The following ACTA2 variants were observed in gnomAD, a reference collection of about 807,000 sequenced individuals.
ACTA2 encodes the protein actin alpha 2, smooth muscle.
Under a neutral mutation model 39.5 loss-of-function variants are expected in ACTA2, and 12 were observed. The ratio of observed to expected loss-of-function variants is 0.30; its 90% CI spans 0.19 to 0.49. The LOEUF (loss-of-function observed/expected upper bound fraction) is 0.49, where lower values mean the gene tolerates loss of function less well. ACTA2 is among the 20% of genes least tolerant of loss of function. ACTA2 has a pLI of 0.99. For synonymous variants in ACTA2, 158 were observed against 180.6 expected, an observed-to-expected ratio of 0.88 and a Z score of 1.00; for missense variants, 236 against 498.8, an observed-to-expected ratio of 0.47 and a Z score of 5.02.
intron 3 of ACTA2, among the ~76,000 whole-genome samples, chr10:88,945,361 C>G (rs895153220): frequency 6.6e-6 from 1 of 152,204 alleles, no homozygotes; most frequent in Non-Finnish European, 1.5e-5. Flanking sequence ...TGGAGCATTA[C>G]TGCTGATAAA....
At chr10:88,969,878 T>C (rs1008589727) in intron 1 of ACTA2, among the ~76,000 whole-genome samples, 1 of 152,176 alleles carries the variant, frequency 6.6e-6, no homozygotes. Flanking sequence ...GCTCAGTAAA[T>C]ATCTCTTGCA....
At chr10:88,945,418 G>A (rs1013435229) in intron 3 of ACTA2, among the ~76,000 whole-genome samples, 3 of 152,086 alleles carry the variant, frequency 2.0e-5, no homozygotes, top group Non-Finnish European at 2.9e-5. Context: ...AATTGTGTGC[G>A]TAGTAGTAGT....
chr10:88,938,215 G>T lies in ACTA2; in HGVS notation c.836C>A (p.Thr279Asn). The T allele has an allele frequency of 6.2e-7, 1 of 1,613,972 alleles. No homozygotes were observed. Among genetic ancestry groups the T allele is most frequent in the Non-Finnish European group, 8.5e-7 (1 of 1,179,922 alleles). ...ACACTTCATGATGCTGTTGTAGGTG[G>T]TTTCATGGATGCCAGCAGACTCCAT... ...IGMESAGIHE[T>N]TYNSIMKCDI... The change falls in exon 8 of 9, where the codon ACC (threonine) becomes AAC (asparagine). Residue 279 changes from threonine (T) to asparagine (N), a missense_variant. By Grantham distance (65) the Thr-to-Asn change is moderately conservative. Coordinates refer to ENST00000224784, the MANE Select transcript of ACTA2 (RefSeq NM_001613.4).
intron 1 of ACTA2, among the ~76,000 whole-genome samples, chr10:88,961,737 T>C (rs754294186): frequency 1.3e-5 from 2 of 152,220 alleles, no homozygotes; most frequent in Non-Finnish European, 2.9e-5. Flanking sequence ...AATTCACCTC[T>C]CAGTTTTCTT....
At chr10:88,965,235 T>G (rs369950698) in intron 1 of ACTA2, among the ~76,000 whole-genome samples, 16 of 152,208 alleles carry the variant, frequency 1.1e-4, no homozygotes, top group African/African-American at 3.9e-4. Context: ...GTTGTAAACT[T>G]TTGGAGGCAG....
intron 1 of ACTA2, among the ~76,000 whole-genome samples, chr10:88,972,440 A>G (rs536451245): frequency 6.6e-6 from 1 of 152,334 alleles, no homozygotes; most frequent in Non-Finnish European, 1.5e-5. Flanking sequence ...TTAATATTTA[A>G]TGTAATATTT....
intron 1 of ACTA2, chr10:88,973,065 A>G: frequency 1.7e-6 from 2 of 1,165,420 alleles, no homozygotes; most frequent in Non-Finnish European, 2.3e-6. Context: ...TAACCTTGTA[A>G]GTACTTAGTC....
At chr10:88,947,429 T>C (rs1845972605) in intron 2 of ACTA2, 43 bp from the exon 3 acceptor site, 1 of 1,612,196 alleles carries the variant, frequency 6.2e-7, no homozygotes, top group Admixed American at 1.7e-5. Flanking sequence ...CTCCCAAAAC[T>C]TGTGAATCAA....
intron 1 of ACTA2, among the ~76,000 whole-genome samples, chr10:88,979,958 G>A (rs924987611): frequency 1.3e-5 from 2 of 152,198 alleles, no homozygotes; most frequent in African/African-American, 4.8e-5. Context: ...GAGCTTCCAA[G>A]CTATTTATGG....
intron 3 of ACTA2, 60 bp from the exon 4 acceptor site, chr10:88,943,967 T>A: frequency 6.7e-7 from 1 of 1,493,100 alleles, no homozygotes; most frequent in Non-Finnish European, 9.3e-7. Context: ...GTCCTGCATT[T>A]CCCAAAAAGG....
Position 88,966,624 on chromosome 10 carries a change from A to T in ACTA2, c.-23-17671T>A, listed in dbSNP as rs76671311. On this transcript the variant is annotated intron_variant, in intron 1 of 4. Transcript: ENST00000415557. ...AAGCATGACTTAGACAGAGTGCCTA[A>T]AATTCTGTCCCGGGAACCATGATCT... Among the ~76,000 whole-genome samples the T allele has an allele frequency of 8.2e-3, 1,253 of 152,304 alleles. 39 individuals carry two copies. In the East Asian group the frequency reaches 0.13, roughly 15 times the overall value.
chr10:88,958,318 A>G (rs1437500376), intron 1 of ACTA2, among the ~76,000 whole-genome samples: 1 of 152,234 alleles, frequency 6.6e-6, no homozygotes, highest in African/African-American at 2.4e-5. Context: ...GAGGGCAAAT[A>G]AAAATAAGTC....
intron 1 of ACTA2, chr10:88,973,253 A>G: frequency 6.2e-7 from 1 of 1,612,570 alleles, no homozygotes; most frequent in South Asian, 1.1e-5. Flanking sequence ...TTGGCTATGG[A>G]CCAAATGGAT....
rs866752545 is a variant in ACTA2, at chr10:88,939,299, A to G, written c.808+208T>C. The G allele has an allele frequency of 5.2e-5, 33 of 632,216 alleles. 1 individual carries two copies. In the Middle Eastern group the frequency reaches 2.6e-3, roughly 49 times the overall value. 39.2% of individuals were successfully genotyped at this position (632,216 alleles called of 1,614,324 possible). A position where few individuals can be genotyped will look rare whatever the true frequency, so the allele number is the denominator to read the frequency against. On this transcript the variant is annotated intron_variant, in intron 7 of 8. Transcript: ENST00000224784. The stretch of plus-strand genomic sequence containing the variant: ...CATGAATGCTTTGGGCTTAACTGCA[A>G]CATAGATAGTGTTTTCTTAGGAAGA...
At chr10:88,956,045 T>C (rs1057307333), upstream of ACTA2, among the ~76,000 whole-genome samples, 12 of 152,194 alleles carry the variant, frequency 7.9e-5, no homozygotes, top group African/African-American at 2.9e-4. Flanking sequence ...GCTATTATTA[T>C]TGTCGGATGC....
upstream of ACTA2, among the ~76,000 whole-genome samples, chr10:88,954,504 T>C (rs541356582): frequency 7.2e-5 from 11 of 152,154 alleles, no homozygotes; most frequent in Non-Finnish European, 1.6e-4. Context: ...GGAGGGCAAT[T>C]TGAGTAGAGG....
intron 2 of ACTA2, 49 bp downstream of exon 2, chr10:88,948,753 G>C: frequency 6.2e-7 from 1 of 1,611,824 alleles, no homozygotes; most frequent in Non-Finnish European, 8.5e-7. Context: ...CATGAACACA[G>C]AGGAACCTAA....
chr10:88,973,175 C>T (rs774907948), intron 1 of ACTA2: 1 of 1,611,642 alleles, frequency 6.2e-7, no homozygotes. Flanking sequence ...TTCTGTGTGA[C>T]CTATAGATTC....
chr10:88,955,854 G>T (rs1008453274), upstream of ACTA2, among the ~76,000 whole-genome samples: 4 of 152,126 alleles, frequency 2.6e-5, no homozygotes, highest in Admixed American at 2.0e-4. Flanking sequence ...ATGATTCAGA[G>T]TTGAAATTCC....
Sources: allele counts gnomAD v4.1 joint callset (sites outside exome capture counted in the v4.1 genomes callset), GRCh38; gene constraint gnomAD v4.1.1; transcripts MANE v1.5; gene names NCBI Gene and HGNC (gene_info 2026-07-23, HGNC 2026-07-21).